The following PLCB4 variants were observed in gnomAD, a reference collection of about 807,000 sequenced individuals.
PLCB4 encodes 1-phosphatidylinositol 4,5-bisphosphate phosphodiesterase beta-4.
Under a neutral mutation model 178.8 loss-of-function variants are expected in PLCB4, and 77 were observed. The ratio of observed to expected loss-of-function variants is 0.43; its 90% CI spans 0.36 to 0.52. The LOEUF (loss-of-function observed/expected upper bound fraction) is 0.52. PLCB4 is among the 20% of genes least tolerant of loss of function. The pLI, the probability that PLCB4 is intolerant of heterozygous loss-of-function variation, is 0.00. For synonymous variants in PLCB4, 496 were observed against 490.8 expected, an observed-to-expected ratio of 1.01 and a Z score of -0.14; for missense variants, 1,024 against 1,453.4, an observed-to-expected ratio of 0.70 and a Z score of 4.80.
chr20:9,240,023 G>A (rs544017991), intron 3 of PLCB4, among the ~76,000 whole-genome samples: 2 of 152,186 alleles, frequency 1.3e-5, no homozygotes, highest in Non-Finnish European at 2.9e-5. Flanking sequence ...CCAGATTGAG[G>A]GTGGGTCTGC....
chr20:9,403,025 G>T (rs927258339), intron 20 of PLCB4, among the ~76,000 whole-genome samples: 24 of 152,140 alleles, frequency 1.6e-4, no homozygotes, highest in Non-Finnish European at 3.2e-4. Flanking sequence ...AAGTGAAGAC[G>T]ATAACACCTA....
At chr20:9,124,722 A>C (rs957610665) in intron 2 of PLCB4, among the ~76,000 whole-genome samples, 7 of 152,166 alleles carry the variant, frequency 4.6e-5, no homozygotes, top group African/African-American at 1.7e-4. Flanking sequence ...AGGGGGTCTT[A>C]GTGTTGTGAC....
intron 1 of PLCB4, among the ~76,000 whole-genome samples, chr20:9,072,087 G>A (rs1414900950): frequency 1.3e-5 from 2 of 152,140 alleles, no homozygotes; most frequent in Non-Finnish European, 2.9e-5. Flanking sequence ...GAATGTGTAG[G>A]CCATATTAGT....
Position 9,390,598 on chromosome 20 carries a change from G to A in PLCB4, c.1306G>A (p.Ala436Thr). 6.6e-7 allele frequency: 1 copy of A among 1,525,610 alleles called. No individual in the cohort carries two copies. Among genetic ancestry groups the A allele is most frequent in the Non-Finnish European group, 9.1e-7 (1 of 1,099,476 alleles). The allele number at this position is 1,525,610 out of a possible 1,614,324, so 94.5% of individuals were successfully genotyped here. Residue 436 changes from alanine to threonine, a missense_variant, in exon 17 of 40, where the codon GCA becomes ACA. This residue lies in a region of PLCB4 where 263 missense variants were observed against 417.4 expected (regional missense o/e 0.63). Transcript: ENST00000378473. ...ATTTGGGGATCTCCTGTTGAAACAA[G>A]CACTTGAATCACATCCAGTATGTAT... ...DLFGDLLLKQ[A>T]LESHPLEPGR... is the part of the protein sequence containing the mutation.
chr20:9,084,418 A>T (rs1219051708), intron 1 of PLCB4, among the ~76,000 whole-genome samples: 1 of 152,188 alleles, frequency 6.6e-6, no homozygotes, highest in Non-Finnish European at 1.5e-5. Flanking sequence ...CAAAATAAAA[A>T]TGGTTTTGGC....
At chr20:9,342,655 G>GTTTTTTTTTTTTT (rs1568619068) in intron 7 of PLCB4, among the ~76,000 whole-genome samples, 1 of 147,184 alleles carries the variant, frequency 6.8e-6, no homozygotes. Context: ...TATGTTTTGG[G>GTTTTTTTTTTTTT]GTTTTTTTTT....
intron 2 of PLCB4, among the ~76,000 whole-genome samples, chr20:9,176,095 T>A (rs982140167): frequency 6.6e-6 from 1 of 152,192 alleles, no homozygotes; most frequent in African/African-American, 2.4e-5. Context: ...TCTCTGGGAT[T>A]TCATACAAAT....
At chr20:9,078,837 A>G (rs920380269) in intron 1 of PLCB4, among the ~76,000 whole-genome samples, 1 of 152,212 alleles carries the variant, frequency 6.6e-6, no homozygotes. Context: ...ACTGAGACTC[A>G]GTCAGGGTTA....
At chr20:9,191,331 G>C (rs1011950662) in intron 2 of PLCB4, among the ~76,000 whole-genome samples, 5 of 149,904 alleles carry the variant, frequency 3.3e-5, no homozygotes, top group Admixed American at 1.3e-4. Context: ...AGGGCTGGAG[G>C]GAACTAGATA....
chr20:9,405,856 A>G (rs1217292577), intron 21 of PLCB4, among the ~76,000 whole-genome samples: 3 of 152,230 alleles, frequency 2.0e-5, no homozygotes, highest in Non-Finnish European at 4.4e-5. Context: ...ATCCTACAAC[A>G]GTGAGGCTGA....
chr20:9,109,576 C>G lies in PLCB4; in HGVS notation c.-79+13234C>G, dbSNP rs1208774609. 3.5e-4 allele frequency among the ~76,000 whole-genome samples: 53 copies of G among 151,756 alleles called. 1 individual carries two copies. The highest frequency in any genetic ancestry group is 3.5e-3 in the Admixed American group (53 of 15,226). On this transcript the variant is annotated intron_variant, in intron 2 of 39. Transcript: ENST00000378473. ...GCAACTTACCTACAATACACATATT[C>G]TAGTGCTTATCAAATTATAAAAGCT...
intron 2 of PLCB4, among the ~76,000 whole-genome samples, chr20:9,129,004 C>T (rs1234049507): frequency 6.6e-6 from 1 of 152,088 alleles, no homozygotes; most frequent in African/African-American, 2.4e-5. Flanking sequence ...GTCAGAATTT[C>T]CTTGTGTTTT....
intron 2 of PLCB4, among the ~76,000 whole-genome samples, chr20:9,186,264 TA>T (rs2093327165): frequency 6.6e-6 from 1 of 152,342 alleles, no homozygotes; most frequent in Middle Eastern, 3.4e-3. Context: ...TTTACATATC[TA>T]CTCATGAGAT....
At chr20:9,210,252 C>A (rs1156999061) in intron 2 of PLCB4, among the ~76,000 whole-genome samples, 1 of 151,996 alleles carries the variant, frequency 6.6e-6, no homozygotes, top group East Asian at 1.9e-4. Flanking sequence ...GCCAGTTGGC[C>A]ACAGTAAATG....
intron 21 of PLCB4, among the ~76,000 whole-genome samples, chr20:9,406,853 AT>A (rs2039479485): frequency 6.6e-6 from 1 of 152,180 alleles, no homozygotes. Context: ...ATCCAACTAG[AT>A]TCACTTTATG....
chr20:9,391,370 AG>A (rs2038128856), intron 17 of PLCB4, among the ~76,000 whole-genome samples: 1 of 152,158 alleles, frequency 6.6e-6, no homozygotes, highest in Non-Finnish European at 1.5e-5. Context: ...AGATGTTATG[AG>A]CTCCAAGGCA....
intron 3 of PLCB4, among the ~76,000 whole-genome samples, chr20:9,244,517 CA>C: frequency 1.3e-5 from 2 of 151,760 alleles, no homozygotes; most frequent in South Asian, 2.1e-4. Context: ...CTGCAGGGAA[CA>C]AAAAAAAGGT....
In PLCB4 at chr20:9,337,993, A is replaced by G. The variant is rs533870825; in HGVS notation, c.166-15A>G. 31 of 1,605,732 alleles carry G rather than the reference A, an allele frequency of 1.9e-5. No individual in the cohort carries two copies. In the Admixed American group the frequency reaches 3.7e-4, roughly 19 times the overall value. The stretch of plus-strand genomic sequence containing the variant: ...TAATTTAAGCTCATTGCTGTGTTGT[A>G]TTCTCTCTCTTCAGGAAGGACAGGT... On this transcript the variant is annotated splice_polypyrimidine_tract_variant and intron_variant, in intron 5 of 39. Transcript: ENST00000378473.
intron 35 of PLCB4, among the ~76,000 whole-genome samples, chr20:9,460,142 T>C (rs2043299516): frequency 6.6e-6 from 1 of 152,180 alleles, no homozygotes; most frequent in South Asian, 2.1e-4. Context: ...CTTACAGGTG[T>C]TGGCAAGATA....
Sources: gnomAD v4.1 joint callset for allele counts (sites outside exome capture counted in the v4.1 genomes callset) on GRCh38, gnomAD v4.1.1 for gene constraint, gnomAD v4.1.1 regional missense constraint, MANE v1.5 for transcripts, NCBI Gene and HGNC (gene_info 2026-07-23, HGNC 2026-07-21) for gene names.